EXOSC10: variants seen among roughly 807,000 people sequenced by gnomAD.
The protein encoded by EXOSC10 is exosome component 10.
Under a neutral mutation model 126.6 loss-of-function variants are expected in EXOSC10, and 94 were observed. That is an observed-to-expected ratio of 0.74 (90% CI 0.63 to 0.88). The LOEUF (loss-of-function observed/expected upper bound fraction) is 0.88. EXOSC10 is among the 40% of genes least tolerant of loss of function. The pLI, the probability that EXOSC10 is intolerant of heterozygous loss-of-function variation, is 0.00. For missense variants in EXOSC10, 1,041 were observed against 1,100.5 expected, an observed-to-expected ratio of 0.95 and a Z score of 0.77; for synonymous variants, 395 against 400.8, an observed-to-expected ratio of 0.99 and a Z score of 0.17.
rs1277491208 is a variant in EXOSC10, at chr1:11,082,714, T to C, written c.1254A>G (p.Gln418=). ...GTATTCTCCAATCAGCCAGCTGATATTGCTTGTTTGAGTCCACGTTGCAGT... is the reference window on the plus strand; with the variant it reads ...GTATTCTCCAATCAGCCAGCTGATACTGCTTGTTTGAGTCCACGTTGCAGT... ...KLYCNVDSNK[Q]YQLADWRIRP... Residue 418 remains glutamine (Q), a synonymous_variant, in exon 10 of 25, where the codon CAA becomes CAG. Coordinates refer to ENST00000376936, the MANE Select transcript of EXOSC10 (RefSeq NM_001001998.3). 9 of 1,614,214 alleles carry C rather than the reference T, an allele frequency of 5.6e-6. No homozygotes were observed. The highest frequency in any genetic ancestry group is 1.7e-5 in the Admixed American group (1 of 60,024).
chr1:11,094,752 C>T (rs1640981337), intron 3 of EXOSC10, among the ~76,000 whole-genome samples: 3 of 152,110 alleles, frequency 2.0e-5, no homozygotes, highest in Admixed American at 1.3e-4. Flanking sequence ...AGGTGTGTGC[C>T]ACCATGGCCT....
In EXOSC10 at chr1:11,095,744, G is replaced by A. The variant is rs1024259462; in HGVS notation, c.372+14C>T. 1.2e-5 allele frequency: 19 copies of A among 1,612,610 alleles called. No homozygotes were observed. The African/African-American group carries it at 2.3e-4, about 19-fold the overall frequency. ...CAAAACAAAACAAAAAAAAGAGTAA[G>A]GGAAAATACTCACCACTCTCTCCAG... On this transcript the variant is annotated intron_variant, in intron 3 of 24. Transcript: ENST00000376936.
chr1:11,096,059 C>T (rs927170512), intron 2 of EXOSC10, among the ~76,000 whole-genome samples, 178 bp from the exon 3 acceptor site: 1 of 151,590 alleles, frequency 6.6e-6, no homozygotes, highest in African/African-American at 2.4e-5. Context: ...TCTTGGCTCT[C>T]TGCAACCTCA....
chr1:11,077,823 A>G (rs1010278921), intron 14 of EXOSC10, among the ~76,000 whole-genome samples, 172 bp from the exon 15 acceptor site: 2 of 152,214 alleles, frequency 1.3e-5, no homozygotes, highest in Non-Finnish European at 2.9e-5. Context: ...TTTGGTGCTC[A>G]ATAATTATTT....
chr1:11,072,624 C>T (rs1639575088), intron 19 of EXOSC10: 1 of 157,112 alleles, frequency 6.4e-6, no homozygotes, highest in African/African-American at 2.4e-5. Flanking sequence ...CTGGGCATAA[C>T]ACACAGGACG....
intron 15 of EXOSC10, 43 bp downstream of exon 15, chr1:11,077,558 G>GA: frequency 6.2e-7 from 1 of 1,612,286 alleles, no homozygotes; most frequent in Non-Finnish European, 8.5e-7. Flanking sequence ...GCTGTGACTT[G>GA]ACGTTTTCCC....
intron 21 of EXOSC10, 49 bp downstream of exon 21, chr1:11,070,851 A>C (rs1228438194): frequency 6.5e-7 from 1 of 1,530,736 alleles, no homozygotes; most frequent in East Asian, 2.2e-5. Flanking sequence ...CCTGACCACA[A>C]GCAGGGGCAT....
chr1:11,082,810 C>T lies in EXOSC10; in HGVS notation c.1158G>A (p.Met386Ile), dbSNP rs1321570719. Residue 386 changes from methionine to isoleucine, a missense_variant, in exon 10 of 25, where the codon ATG becomes ATA. Around this residue, in one of 3 missense-constraint regions of EXOSC10, gnomAD observed 645 missense variants for 656.3 expected, o/e 0.98. Transcript: ENST00000376936. ...QKDFGLYVVN[M>I]FDTHQAARLL... ...GGCGTGCTGCCTGATGAGTATCAAA[C>T]ATGTTTACTACATACAACCCAAAGT... 1.2e-6 allele frequency: 2 copies of T among 1,614,072 alleles called. No individual in the cohort carries two copies. Among genetic ancestry groups the T allele is most frequent in the African/African-American group, 2.7e-5 (2 of 74,928 alleles).
chr1:11,095,697 G>A (rs1641044438), intron 3 of EXOSC10, 61 bp downstream of exon 3: 2 of 1,505,526 alleles, frequency 1.3e-6, no homozygotes, highest in Non-Finnish European at 1.8e-6. Flanking sequence ...CTGGGCGACA[G>A]AGCGAGACTC....
rs1640747719 is a variant in EXOSC10, at chr1:11,090,576, T to C, written c.736A>G (p.Thr246Ala). 1 of 1,614,124 alleles carries C rather than the reference T, an allele frequency of 6.2e-7. No individual in the cohort carries two copies. The highest frequency in any genetic ancestry group is 8.5e-7 in the Non-Finnish European group (1 of 1,180,000). Residue 246 changes from threonine to alanine, a missense_variant, in exon 6 of 25, where the codon ACC (threonine) becomes GCC (alanine). Physicochemically the swap from Thr to Ala is moderately conservative, Grantham distance 58. Coordinates refer to ENST00000376936, the MANE Select transcript of EXOSC10 (RefSeq NM_001001998.3). ...ALADFIHQQR[T>A]QQVEQDMFAH... ...TACATGTCTTGCTCAACCTGCTGGG[T>C]TCTCTGCTGATGGATGAAATCAGCC...
chr1:11,088,968 C>T (rs1427848792), intron 6 of EXOSC10, among the ~76,000 whole-genome samples: 1 of 152,028 alleles, frequency 6.6e-6, no homozygotes, highest in East Asian at 1.9e-4. Context: ...TGCTTGTAAT[C>T]CCAGAACTCT....
rs534220957 is a variant in EXOSC10, at chr1:11,076,445, C to T, written c.1986+397G>A. ...GGGCAGCGCACATTCTACAGTTCAT[C>T]GGACAGTACACCCATGCCACCCCTG... is the stretch of plus-strand genomic sequence containing the variant. On this transcript the variant is annotated intron_variant, in intron 17 of 24. Transcript: ENST00000376936. 8.6e-4 allele frequency among the ~76,000 whole-genome samples: 131 copies of T among 152,324 alleles called. 1 individual carries two copies. Among genetic ancestry groups the T allele is most frequent in the South Asian group, 1.2e-3 (6 of 4,824 alleles).
At chr1:11,069,170 C>T (rs1205528959) in intron 22 of EXOSC10, among the ~76,000 whole-genome samples, 1 of 151,718 alleles carries the variant, frequency 6.6e-6, no homozygotes, top group Non-Finnish European at 1.5e-5. Flanking sequence ...CTCTCACAGC[C>T]CAAGCAGCCA....
In EXOSC10 at chr1:11,072,059, G is replaced by T. The variant is rs372312457; in HGVS notation, c.2242+28C>A. ...GTGCAACAGCCATTCTTTAACAGCC[G>T]ACTGAGTTGCAAGGAAGTGAGTGTT... On this transcript the variant is annotated intron_variant, in intron 20 of 24. Coordinates refer to ENST00000376936, the MANE Select transcript of EXOSC10 (RefSeq NM_001001998.3). The T allele has an allele frequency of 2.5e-6, 4 of 1,575,902 alleles. No individual in the cohort carries two copies. The South Asian group carries it at 3.4e-5, about 13-fold the overall frequency.
At position 11,077,414 on chromosome 1, in the gene EXOSC10, G is replaced by C; in HGVS notation, c.1830C>G (p.His610Gln). 1 of 1,614,062 alleles carries C rather than the reference G, an allele frequency of 6.2e-7. No individual in the cohort carries two copies. Among genetic ancestry groups the C allele is most frequent in the Non-Finnish European group, 8.5e-7 (1 of 1,179,972 alleles). Reference sequence around the variant, plus strand: ...CATCCGGAGGGGCATGGGAGCAGTCGTGAGGTCCAAAGAGAACATTCTCCA... The same window carrying C: ...CATCCGGAGGGGCATGGGAGCAGTCCTGAGGTCCAAAGAGAACATTCTCCA... ...ERLENVLFGPHDCSHAPPDGY... is the reference protein window; with the variant it reads ...ERLENVLFGPQDCSHAPPDGY... The change falls in exon 16 of 25, where the codon CAC becomes CAG. Residue 610 changes from histidine to glutamine, a missense_variant. Coordinates refer to ENST00000376936, the MANE Select transcript of EXOSC10 (RefSeq NM_001001998.3).
intron 19 of EXOSC10, 104 bp from the exon 20 acceptor site, chr1:11,072,275 C>G: frequency 2.7e-6 from 2 of 750,474 alleles, no homozygotes; most frequent in South Asian, 3.3e-5. Flanking sequence ...CTAAGAAGTA[C>G]ACACATTCTA....
rs533989624 is a variant in EXOSC10, at chr1:11,087,589, G to A, written c.948C>T (p.His316=). 1 of 1,614,050 alleles carries A rather than the reference G, an allele frequency of 6.2e-7. No individual in the cohort carries two copies. The highest frequency in any genetic ancestry group is 2.2e-5 in the East Asian group (1 of 44,878). ...NCQEFAVDLE[H]HSYRSFLGLT... is the part of the protein sequence containing the mutation. ...GTCCCAGGAAGCTCCTGTAAGAGTG[G>A]TGCTAAACCCCACAGAAGGAGGGGA... Residue 316 remains histidine, a splice_region_variant and synonymous_variant, in exon 9 of 25, where the codon CAC becomes CAT. Coordinates refer to ENST00000376936, the MANE Select transcript of EXOSC10 (RefSeq NM_001001998.3).
chr1:11,076,113 C>T (rs1047015322), intron 17 of EXOSC10, among the ~76,000 whole-genome samples: 3 of 151,866 alleles, frequency 2.0e-5, no homozygotes, highest in Non-Finnish European at 2.9e-5. Flanking sequence ...TGCAGTGAGC[C>T]GAGATGATGC....
chr1:11,083,776 C>A (rs553018717), intron 9 of EXOSC10, among the ~76,000 whole-genome samples: 6 of 152,268 alleles, frequency 3.9e-5, no homozygotes, highest in Admixed American at 1.3e-4. Context: ...ATCCCTCCCC[C>A]CTTTCCCCAC....
Sources: gnomAD v4.1 joint callset for allele counts (sites outside exome capture counted in the v4.1 genomes callset) on GRCh38, gnomAD v4.1.1 for gene constraint, gnomAD v4.1.1 regional missense constraint, MANE v1.5 for transcripts, NCBI Gene and HGNC (gene_info 2026-07-23, HGNC 2026-07-21) for gene names.